The following SLC25A12 variants were observed in gnomAD, a reference collection of about 807,000 sequenced individuals.
The protein encoded by SLC25A12 is solute carrier family 25 member 12.
A neutral mutation model predicts 83.3 loss-of-function variants in SLC25A12; 32 were observed. The ratio of observed to expected loss-of-function variants is 0.38; its 90% CI spans 0.29 to 0.52. The LOEUF (loss-of-function observed/expected upper bound fraction) is 0.52. Ranked by LOEUF, SLC25A12 falls within the 20% of genes least tolerant of loss-of-function variation. SLC25A12 has a pLI of 0.84. For synonymous variants in SLC25A12, 267 were observed against 291.1 expected, an observed-to-expected ratio of 0.92 and a Z score of 0.84; for missense variants, 611 against 835.6, an observed-to-expected ratio of 0.73 and a Z score of 3.31.
At chr2:171,835,247 A>G (rs1225616735) in intron 6 of SLC25A12, among the ~76,000 whole-genome samples, 2 of 152,228 alleles carry the variant, frequency 1.3e-5, no homozygotes, top group Non-Finnish European at 2.9e-5. Flanking sequence ...TCTATGGAAC[A>G]CTTTTTAACC....
At chr2:171,862,956 G>A (rs1256621364) in intron 3 of SLC25A12, among the ~76,000 whole-genome samples, 3 of 152,138 alleles carry the variant, frequency 2.0e-5, no homozygotes, top group African/African-American at 7.2e-5. Context: ...CTGGAGTGCA[G>A]TGGCTCAGTT....
intron 4 of SLC25A12, among the ~76,000 whole-genome samples, chr2:171,854,676 G>A (rs995942271): frequency 6.6e-6 from 1 of 152,176 alleles, no homozygotes. Context: ...TCAATGTCAC[G>A]CTAGAAAATG....
In SLC25A12 at chr2:171,827,542, G is replaced by T. The variant is rs1303359856; in HGVS notation, c.846-660C>A. On this transcript the variant is annotated intron_variant, in intron 8 of 17. Transcript: ENST00000422440. ...CACTTCAGCCTCCGATTGGTTGTGG[G>T]CCAAGTCTTCATTTATATAGGGTGT... is the stretch of plus-strand genomic sequence containing the variant. 1.4e-4 allele frequency among the ~76,000 whole-genome samples: 21 copies of T among 152,116 alleles called. 1 individual carries two copies. Among genetic ancestry groups the T allele is most frequent in the Admixed American group, 1.4e-3 (21 of 15,254 alleles).
chr2:171,812,804 T>TC (rs1294953807), intron 11 of SLC25A12, among the ~76,000 whole-genome samples: 1 of 151,468 alleles, frequency 6.6e-6, no homozygotes, highest in Non-Finnish European at 1.5e-5. Context: ...TTTTCCTTTT[T>TC]TTTTTTTTTT....
chr2:171,878,144 G>A (rs1685612299), intron 2 of SLC25A12, among the ~76,000 whole-genome samples: 1 of 152,136 alleles, frequency 6.6e-6, no homozygotes, highest in African/African-American at 2.4e-5. Flanking sequence ...GGGATGCAGA[G>A]ATCAACAAGA....
chr2:171,804,451 G>A (rs999203732), intron 13 of SLC25A12, among the ~76,000 whole-genome samples: 3 of 152,074 alleles, frequency 2.0e-5, no homozygotes, highest in African/African-American at 7.2e-5. Context: ...TAAAGATGGG[G>A]TTTCACACCA....
At chr2:171,879,138 T>C (rs1412039209) in intron 2 of SLC25A12, among the ~76,000 whole-genome samples, 1 of 152,242 alleles carries the variant, frequency 6.6e-6, no homozygotes, top group African/African-American at 2.4e-5. Flanking sequence ...TATTAATTTT[T>C]AAAAACAAGG....
At chr2:171,804,274 T>TA (rs34495966) in intron 13 of SLC25A12, among the ~76,000 whole-genome samples, 1 of 152,118 alleles carries the variant, frequency 6.6e-6, no homozygotes, top group South Asian at 2.1e-4. Context: ...TTTATTTATT[T>TA]TGAGACAGAG....
intron 17 of SLC25A12, among the ~76,000 whole-genome samples, chr2:171,785,730 T>C (rs1202016490): frequency 6.6e-6 from 1 of 152,180 alleles, no homozygotes; most frequent in African/African-American, 2.4e-5. Flanking sequence ...AACAAATCCA[T>C]AGGAAAAAAG....
At chr2:171,890,380 A>G (rs1190447436) in intron 2 of SLC25A12, among the ~76,000 whole-genome samples, 1 of 152,252 alleles carries the variant, frequency 6.6e-6, no homozygotes, top group African/African-American at 2.4e-5. Flanking sequence ...AAAGCTTCAA[A>G]TAACTATAGT....
chr2:171,803,402 A>G (rs1558911850), intron 13 of SLC25A12, among the ~76,000 whole-genome samples: 1 of 152,220 alleles, frequency 6.6e-6, no homozygotes, highest in Non-Finnish European at 1.5e-5. Context: ...AATATCTGAA[A>G]AGGGACTCAT....
At chr2:171,809,760 G>T in intron 12 of SLC25A12, 74 bp from the exon 13 acceptor site, 3 of 1,035,652 alleles carry the variant, frequency 2.9e-6, no homozygotes, top group Non-Finnish European at 4.6e-6. Flanking sequence ...GCTTTTCCAA[G>T]TCAGCAAAAT....
At chr2:171,850,507 G>A (rs753166057) in intron 4 of SLC25A12, among the ~76,000 whole-genome samples, 23 of 151,866 alleles carry the variant, frequency 1.5e-4, no homozygotes, top group Non-Finnish European at 2.6e-4. Flanking sequence ...CACCATGCCC[G>A]GCTAATTTGT....
intron 4 of SLC25A12, among the ~76,000 whole-genome samples, chr2:171,853,696 A>G (rs1339207787): frequency 2.6e-5 from 4 of 152,130 alleles, no homozygotes; most frequent in South Asian, 4.1e-4. Flanking sequence ...AAAAAAAACT[A>G]AAGTTGAGAT....
At chr2:171,860,379 A>G (rs1685128726) in intron 3 of SLC25A12, among the ~76,000 whole-genome samples, 1 of 152,182 alleles carries the variant, frequency 6.6e-6, no homozygotes, top group Non-Finnish European at 1.5e-5. Context: ...TCAGTGGATC[A>G]CTTGAGGTCA....
chr2:171,886,915 T>C (rs995233590), intron 2 of SLC25A12, among the ~76,000 whole-genome samples: 2 of 152,230 alleles, frequency 1.3e-5, no homozygotes, highest in Non-Finnish European at 2.9e-5. Context: ...TTTTAAACCA[T>C]TGCCAGCTTG....
intron 13 of SLC25A12, among the ~76,000 whole-genome samples, chr2:171,806,252 G>C (rs776780731): frequency 3.3e-5 from 5 of 152,224 alleles, no homozygotes; most frequent in Admixed American, 3.3e-4. Flanking sequence ...CTGAGGTCGG[G>C]AGTTTGAGAC....
chr2:171,853,619 T>C (rs1007750088), intron 4 of SLC25A12, among the ~76,000 whole-genome samples: 6 of 151,730 alleles, frequency 4.0e-5, no homozygotes, highest in Admixed American at 3.9e-4. Flanking sequence ...AGGCAGAGGT[T>C]GCAGTGAGCC....
intron 8 of SLC25A12, among the ~76,000 whole-genome samples, chr2:171,830,937 A>G (rs778028464): frequency 1.1e-4 from 17 of 152,242 alleles, no homozygotes; most frequent in Non-Finnish European, 1.9e-4. Flanking sequence ...GTTAAATTAT[A>G]TAGCTGTAGA....
Sources: gnomAD v4.1 joint callset for allele counts (sites outside exome capture counted in the v4.1 genomes callset) on GRCh38, gnomAD v4.1.1 for gene constraint, MANE v1.5 for transcripts, NCBI Gene and HGNC (gene_info 2026-07-23, HGNC 2026-07-21) for gene names.